Variants in SAGE1 observed in about 807,000 individuals in gnomAD.
SAGE1 encodes cancer/testis antigen 14.
In SAGE1, 55 loss-of-function variants were observed where a neutral mutation model predicts 55.4. The ratio of observed to expected loss-of-function variants is 0.99; its 90% CI spans 0.80 to 1.24. SAGE1 has a LOEUF of 1.24. SAGE1 is among the 50% of genes most tolerant of loss of function. The pLI is 0.00. For synonymous variants in SAGE1, 240 were observed against 244.3 expected, an observed-to-expected ratio of 0.98 and a Z score of 0.17; for missense variants, 710 against 704.4, an observed-to-expected ratio of 1.01 and a Z score of -0.09.
chrX:135,909,064 T>A (rs1248473322), intron 13 of SAGE1, 60 bp downstream of exon 13: 2 of 1,051,545 alleles, frequency 1.9e-6, no homozygotes, highest in Non-Finnish European at 2.6e-6. Flanking sequence ...CATATTTTCA[T>A]GAAGGGTAGA....
At chrX:135,910,656 C>T (rs2088882164) in intron 16 of SAGE1, 101 bp downstream of exon 16, 1 of 826,938 alleles carries the variant, frequency 1.2e-6, no homozygotes, top group South Asian at 2.5e-5. Flanking sequence ...CTTTCCTAGC[C>T]TCAGTTTGAG....
Position 135,904,525 on chromosome X carries a change from A to C in SAGE1, c.269A>C (p.Gln90Pro). 1 of 1,207,242 alleles carries C rather than the reference A, an allele frequency of 8.3e-7. No individual in the cohort carries two copies. Among genetic ancestry groups the C allele is most frequent in the Non-Finnish European group, 1.1e-6 (1 of 892,112 alleles). Residue 90 changes from glutamine to proline, a missense_variant, in exon 4 of 20, where the codon CAA becomes CCA. Gln to Pro is a moderately conservative substitution (Grantham distance 76). Transcript: ENST00000370709. ...SICEERINNG[Q>P]PVADNVLSTA... ...TGTGAAGAGAGGATAAATAACGGCC[A>C]ACCAGTAGCTGATAATGTCTTGTCA...
At chrX:135,909,928 T>C in intron 14 of SAGE1, 102 bp from the exon 15 acceptor site, 2 of 1,019,655 alleles carry the variant, frequency 2.0e-6, no homozygotes, top group Admixed American at 5.3e-5. Context: ...CCTCTCCGGC[T>C]TTATGATATA....
rs141394144 is a variant in SAGE1 at position 135,911,695 on chromosome X, A to G, written c.2263A>G (p.Met755Val). 5.8e-6 allele frequency: 7 copies of G among 1,204,727 alleles called. No individual in the cohort carries two copies. The highest frequency in any genetic ancestry group is 7.9e-6 in the Non-Finnish European group (7 of 889,087). The change falls in exon 18 of 20, where the codon ATG (methionine) becomes GTG (valine). Residue 755 changes from methionine (M) to valine (V), a missense_variant. Coordinates refer to ENST00000370709, the MANE Select transcript of SAGE1 (RefSeq NM_001381902.1). Reference protein sequence around the residue: ...PELINMTGHCMPPNALDSFSH... With the variant: ...PELINMTGHCVPPNALDSFSH... ...GCTGATAAATATGACAGGACATTGT[A>G]TGCCACCCAATGCATTGGATTCTTT...
At chrX:135,898,048 C>T (rs1195533651) in intron 2 of SAGE1, among the ~76,000 whole-genome samples, 1 of 111,651 alleles carries the variant, frequency 9.0e-6, no homozygotes. Flanking sequence ...GACGGAGTCA[C>T]GCTCTGTCGC....
chrX:135,906,368 A>G (rs1556601038), intron 6 of SAGE1, 43 bp from the exon 7 acceptor site: 1 of 1,190,765 alleles, frequency 8.4e-7, no homozygotes, highest in East Asian at 3.0e-5. Context: ...GAGTTGGCAT[A>G]ATGCACTTAC....
At chrX:135,908,058 TCA>T (rs781892490) in intron 10 of SAGE1, 29 bp from the exon 11 acceptor site, 1 of 1,204,218 alleles carries the variant, frequency 8.3e-7, no homozygotes, top group African/African-American at 1.7e-5. Flanking sequence ...TGCACTTACC[TCA>T]CAGCTCATCA....
rs782069521 is a variant in SAGE1, at chrX:135,907,039, A to C, written c.850A>C (p.Thr284Pro). The change falls in exon 8 of 20, where the codon ACT becomes CCT. Residue 284 changes from threonine to proline, a missense_variant. Physicochemically the swap from Thr to Pro is conservative, Grantham distance 38. Coordinates refer to ENST00000370709, the MANE Select transcript of SAGE1 (RefSeq NM_001381902.1). Reference protein sequence around the residue: ...TGLINVAGAGTPAISTNGLYS... With the variant: ...TGLINVAGAGPPAISTNGLYS... ...GCTTATTAATGTGGCAGGAGCTGGT[A>C]CTCCAGCCATCAGCACCAATGGCCT... is the stretch of plus-strand genomic sequence containing the variant. 1 of 1,208,285 alleles carries C rather than the reference A, an allele frequency of 8.3e-7. No individual in the cohort carries two copies. Among genetic ancestry groups the C allele is most frequent in the East Asian group, 3.0e-5 (1 of 33,791 alleles).
At chrX:135,900,744 A>G (rs1260029789) in intron 2 of SAGE1, among the ~76,000 whole-genome samples, 2 of 77,478 alleles carry the variant, frequency 2.6e-5, no homozygotes, top group African/African-American at 5.1e-5. Context: ...CGGAATCTCC[A>G]TAAGGTTGGA....
At chrX:135,900,376 G>A (rs181798104) in intron 2 of SAGE1, among the ~76,000 whole-genome samples, 1 of 111,624 alleles carries the variant, frequency 9.0e-6, no homozygotes, top group African/African-American at 3.3e-5. Flanking sequence ...TTTTTGATGT[G>A]CTGCTGGATT....
intron 1 of SAGE1, among the ~76,000 whole-genome samples, chrX:135,895,798 C>T (rs1556593175): frequency 9.0e-6 from 1 of 111,188 alleles, no homozygotes. Context: ...ACATACTTAT[C>T]CTTTAAGTCT....
Position 135,911,313 on chromosome X carries a change from C to A in SAGE1, c.2127C>A (p.Cys709Ter), listed in dbSNP as rs782266766. Reference protein sequence around the residue: ...CINLSGAGISCRSTRDLYATV... With the variant: ...CINLSGAGIS The stretch of plus-strand genomic sequence containing the variant: ...ATCTGTCAGGAGCTGGTATTTCATG[C>A]AGAAGTACCAGGGATCTGTGTATGT... The change falls in exon 17 of 20, where the codon TGC becomes TGA. Residue 709 changes from cysteine (C) to a stop codon, truncating the protein, a stop_gained. Coordinates refer to ENST00000370709, the MANE Select transcript of SAGE1 (RefSeq NM_001381902.1). LOFTEE classifies it high-confidence loss of function. The A allele has an allele frequency of 8.3e-7, 1 of 1,207,962 alleles. No homozygotes were observed. Among genetic ancestry groups the A allele is most frequent in the Non-Finnish European group, 1.1e-6 (1 of 892,793 alleles).
intron 1 of SAGE1, among the ~76,000 whole-genome samples, chrX:135,895,042 G>A (rs1439193803): frequency 2.7e-5 from 3 of 111,083 alleles, no homozygotes; most frequent in African/African-American, 6.6e-5. Context: ...GTATTAACCA[G>A]CACATACACT....
At chrX:135,899,725 A>G (rs1318470190) in intron 2 of SAGE1, among the ~76,000 whole-genome samples, 1 of 110,572 alleles carries the variant, frequency 9.0e-6, no homozygotes, top group Non-Finnish European at 1.9e-5. Flanking sequence ...TGTTAGCCAT[A>G]TTCCTAGGTA....
intron 2 of SAGE1, among the ~76,000 whole-genome samples, chrX:135,897,869 G>A (rs1456461149): frequency 2.7e-5 from 3 of 110,139 alleles, no homozygotes; most frequent in Non-Finnish European, 3.8e-5. Context: ...TGCCCTGCCC[G>A]ACGTGTCCAT....
At chrX:135,895,646 G>T (rs1556593054) in intron 1 of SAGE1, among the ~76,000 whole-genome samples, 1 of 111,495 alleles carries the variant, frequency 9.0e-6, no homozygotes, top group African/African-American at 3.3e-5. Context: ...CACATAGTTA[G>T]CTATGAGGAA....
Position 135,908,562 on chromosome X carries a change from C to G in SAGE1, c.1386C>G (p.Ser462=). 1 of 1,205,606 alleles carries G rather than the reference C, an allele frequency of 8.3e-7. No homozygotes were observed. The highest frequency in any genetic ancestry group is 1.1e-6 in the Non-Finnish European group (1 of 892,392). Reference sequence around the variant, plus strand: ...ATAACGTCTTGTCAAATGTTCTATCCGGGCTTATTAATATGGCAGGAGCTA... The same window carrying G: ...ATAACGTCTTGTCAAATGTTCTATCGGGGCTTATTAATATGGCAGGAGCTA... The part of the protein sequence containing the change: ...KQDNVLSNVL[S]GLINMAGASI... Residue 462 remains serine (S), a synonymous_variant, in exon 12 of 20, where the codon TCC becomes TCG. Transcript: ENST00000370709.
chrX:135,906,543 G>A lies in SAGE1; in HGVS notation c.728G>A (p.Arg243Lys). ...ACTGGTATTTCACCCATGAGTACCA[G>A]GGATCCATGTAAGTTTGTTTATTTG... ...TDTGISPMST[R>K]DPYATITYNV... is the part of the protein sequence containing the mutation. The change falls in exon 7 of 20, where the codon AGG becomes AAG. Residue 243 changes from arginine (R) to lysine (K), a missense_variant. Arg to Lys is a conservative substitution (Grantham distance 26). Transcript: ENST00000370709. 1 of 1,194,185 alleles carries A rather than the reference G, an allele frequency of 8.4e-7. No individual in the cohort carries two copies.
intron 8 of SAGE1, 66 bp from the exon 9 acceptor site, chrX:135,907,247 G>C (rs2088812306): frequency 8.9e-7 from 1 of 1,127,347 alleles, no homozygotes; most frequent in African/African-American, 1.8e-5. Flanking sequence ...GAGCATCATA[G>C]GGGTATACCT....
Sources: gnomAD v4.1 joint callset for allele counts (sites outside exome capture counted in the v4.1 genomes callset) on GRCh38, gnomAD v4.1.1 for gene constraint, MANE v1.5 for transcripts, NCBI Gene and HGNC (gene_info 2026-07-23, HGNC 2026-07-21) for gene names.